C10orf90: variants seen among roughly 807,000 people sequenced by gnomAD.
C10orf90 encodes the protein (E2-independent) E3 ubiquitin-conjugating enzyme FATS.
In C10orf90, 56 loss-of-function variants were observed where a neutral mutation model predicts 62.5. That is an observed-to-expected ratio of 0.90 (90% CI 0.72 to 1.12). The LOEUF (loss-of-function observed/expected upper bound fraction) is 1.12. C10orf90 is among the 50% of genes most tolerant of loss of function. C10orf90 has a pLI of 0.00. For missense variants in C10orf90, 970 were observed against 880.4 expected, an observed-to-expected ratio of 1.10 and a Z score of -1.29; for synonymous variants, 386 against 340.4, an observed-to-expected ratio of 1.13 and a Z score of -1.47.
chr10:126,489,044 C>T (rs1861581475), intron 4 of C10orf90, among the ~76,000 whole-genome samples: 1 of 152,002 alleles, frequency 6.6e-6, no homozygotes, highest in Non-Finnish European at 1.5e-5. Flanking sequence ...AAACCTTTTT[C>T]CTGATACCAA....
In C10orf90 at chr10:126,444,173, G is replaced by A. The variant is rs142253243; in HGVS notation, c.2189-14323C>T. ...CATAGTACTGGAAGTCCTAGCCAGAGCAATCAGACAAGAGAAAGAAATAAA... is the reference window on the plus strand; with the variant it reads ...CATAGTACTGGAAGTCCTAGCCAGAACAATCAGACAAGAGAAAGAAATAAA... On this transcript the variant is annotated intron_variant, in intron 7 of 9. Transcript: ENST00000488181. Among the ~76,000 whole-genome samples, 1,479 of 152,212 alleles carry A rather than the reference G, an allele frequency of 9.7e-3. 91 individuals carry two copies. In the East Asian group the frequency reaches 0.15, roughly 15 times the overall value.
chr10:126,662,386 A>G (rs1388605822), intron 1 of C10orf90, among the ~76,000 whole-genome samples: 2 of 152,126 alleles, frequency 1.3e-5, no homozygotes, highest in East Asian at 3.9e-4. Flanking sequence ...TTTCCTTGCC[A>G]GTTTTCTCTG....
chr10:126,507,860 C>A (rs1181543963), intron 3 of C10orf90, among the ~76,000 whole-genome samples: 2 of 152,148 alleles, frequency 1.3e-5, no homozygotes, highest in Admixed American at 6.5e-5. Flanking sequence ...CCTTGTAGCA[C>A]TTTTTATGGA....
chr10:126,476,908 CTTTTTTTTT>C (rs10590718), intron 4 of C10orf90, among the ~76,000 whole-genome samples: 1 of 120,798 alleles, frequency 8.3e-6, no homozygotes, highest in African/African-American at 3.3e-5. Context: ...CACCATTTTC[CTTTTTTTTT>C]TTTTTTTTTT....
intron 2 of C10orf90, among the ~76,000 whole-genome samples, chr10:126,550,046 C>A (rs1317587056): frequency 6.6e-6 from 1 of 151,538 alleles, no homozygotes. Flanking sequence ...ACATCAGCCT[C>A]CCGGGTTCAA....
Position 126,621,211 on chromosome 10 carries a change from A to G in C10orf90, c.313+25354T>C, listed in dbSNP as rs187404470. 6.6e-5 allele frequency among the ~76,000 whole-genome samples: 10 copies of G among 152,336 alleles called. No homozygotes were observed. In the East Asian group the frequency reaches 1.9e-3, roughly 29 times the overall value. On this transcript the variant is annotated intron_variant, in intron 2 of 9. Transcript: ENST00000488181. ...ACGACTTTACATAACCACTGGAAAT[A>G]TTCAGTTTCAACATATAAACTTAGA...
At chr10:126,476,908 C>A (rs917488412) in intron 4 of C10orf90, among the ~76,000 whole-genome samples, 3 of 120,798 alleles carry the variant, frequency 2.5e-5, no homozygotes, top group Non-Finnish European at 5.0e-5. Context: ...CACCATTTTC[C>A]TTTTTTTTTT....
intron 2 of C10orf90, among the ~76,000 whole-genome samples, chr10:126,628,929 C>T (rs1370102): frequency 2.6e-5 from 4 of 151,996 alleles, no homozygotes; most frequent in Admixed American, 1.3e-4. Context: ...CATGGGTGCC[C>T]ACCGCTGTGT....
intron 7 of C10orf90, among the ~76,000 whole-genome samples, chr10:126,455,127 G>C (rs748691112): frequency 1.2e-4 from 19 of 152,080 alleles, no homozygotes; most frequent in Non-Finnish European, 1.5e-4. Flanking sequence ...TGTTGTACCT[G>C]AAGCTACACT....
At chr10:126,601,150 A>C (rs1013077418) in intron 2 of C10orf90, among the ~76,000 whole-genome samples, 1 of 152,198 alleles carries the variant, frequency 6.6e-6, no homozygotes, top group African/African-American at 2.4e-5. Flanking sequence ...TTAAAGGTCA[A>C]ATGTACAGAG....
At chr10:126,488,957 A>G (rs1861575856) in intron 4 of C10orf90, among the ~76,000 whole-genome samples, 1 of 152,164 alleles carries the variant, frequency 6.6e-6, no homozygotes, top group South Asian at 2.1e-4. Context: ...CCAAACACTT[A>G]CAGAAGAAAT....
chr10:126,579,870 A>G (rs780132379), intron 2 of C10orf90, among the ~76,000 whole-genome samples: 1 of 152,108 alleles, frequency 6.6e-6, no homozygotes, highest in East Asian at 1.9e-4. Context: ...CAGTGCAAGG[A>G]TTATTATCAT....
At chr10:126,485,916 C>T (rs1861412121) in intron 4 of C10orf90, among the ~76,000 whole-genome samples, 1 of 151,042 alleles carries the variant, frequency 6.6e-6, no homozygotes, top group Non-Finnish European at 1.5e-5. Flanking sequence ...CACTGCACTC[C>T]AGCCTGGGGG....
intron 2 of C10orf90, among the ~76,000 whole-genome samples, chr10:126,567,350 C>T (rs1388809410): frequency 1.3e-5 from 2 of 152,048 alleles, no homozygotes; most frequent in Admixed American, 1.3e-4. Context: ...TTTCAAACAA[C>T]CAGATCTTGT....
At chr10:126,491,005 A>G (rs1639287506) in intron 4 of C10orf90, among the ~76,000 whole-genome samples, 1 of 152,232 alleles carries the variant, frequency 6.6e-6, no homozygotes, top group South Asian at 2.1e-4. Context: ...CAGAAATGAT[A>G]TATCTCCGTA....
intron 7 of C10orf90, among the ~76,000 whole-genome samples, chr10:126,445,809 A>G (rs1409728537): frequency 3.6e-5 from 4 of 112,532 alleles, no homozygotes; most frequent in East Asian, 6.4e-4. Flanking sequence ...TGTGGTGTAT[A>G]TATATATATA....
At chr10:126,633,299 G>A (rs1300043185) in intron 2 of C10orf90, among the ~76,000 whole-genome samples, 1 of 152,228 alleles carries the variant, frequency 6.6e-6, no homozygotes, top group Admixed American at 6.5e-5. Flanking sequence ...ATGATGTCTT[G>A]GAGAATATCT....
intron 4 of C10orf90, chr10:126,496,725 G>A (rs1441963789): frequency 1.0e-6 from 1 of 985,020 alleles, no homozygotes; most frequent in African/African-American, 1.7e-5. Flanking sequence ...ATATGGGGAT[G>A]GGGAAAGGTA....
intron 2 of C10orf90, among the ~76,000 whole-genome samples, chr10:126,644,160 C>T (rs1287997419): frequency 6.6e-6 from 1 of 152,228 alleles, no homozygotes; most frequent in Non-Finnish European, 1.5e-5. Flanking sequence ...TCATGTTCAC[C>T]TTCCCCCACC....
Sources: allele counts gnomAD v4.1 joint callset (sites outside exome capture counted in the v4.1 genomes callset), GRCh38; gene constraint gnomAD v4.1.1; transcripts MANE v1.5; gene names NCBI Gene and HGNC (gene_info 2026-07-23, HGNC 2026-07-21).